The following ACSS2 variants were observed in gnomAD, a reference collection of about 807,000 sequenced individuals.
ACSS2 encodes acyl-CoA synthetase short chain family member 2, also known as acetyl-coenzyme A synthetase, cytoplasmic.
A neutral mutation model predicts 90.6 loss-of-function variants in ACSS2; 58 were observed. That is an observed-to-expected ratio of 0.64 (90% CI 0.52 to 0.80). ACSS2 has a LOEUF of 0.80. ACSS2 is among the 30% of genes least tolerant of loss of function. The probability of loss-of-function intolerance (pLI) is 0.00; values close to 1 mark genes in which losing one functional copy is unlikely to be tolerated. For missense variants in ACSS2, 759 were observed against 912.0 expected (o/e 0.83, Z 2.16); for synonymous variants, 300 against 330.9 (o/e 0.91, Z 1.01).
chr20:34,921,381 C>A lies in ACSS2; in HGVS notation c.1329C>A (p.Asn443Lys), dbSNP rs577466825. The A allele has an allele frequency of 2.5e-6, 4 of 1,614,094 alleles. No individual in the cohort carries two copies. The highest frequency in any genetic ancestry group is 1.7e-5 in the Admixed American group (1 of 60,004). ...TAGGCACAGTGGGTGAACCCATCAACCCTGAGGCCTGGCTATGGTACCACC... is the reference window on the plus strand; with the variant it reads ...TAGGCACAGTGGGTGAACCCATCAAACCTGAGGCCTGGCTATGGTACCACC... ...QVLGTVGEPI[N>K]PEAWLWYHRV... The change falls in exon 11 of 18, where the codon AAC becomes AAA. Residue 443 changes from asparagine (N) to lysine (K), a missense_variant. Physicochemically the swap from Asn to Lys is moderately conservative, Grantham distance 94. Coordinates refer to ENST00000360596, the MANE Select transcript of ACSS2 (RefSeq NM_018677.4).
chr20:34,877,612 G>A (rs572821062), intron 1 of ACSS2, among the ~76,000 whole-genome samples: 2 of 152,088 alleles, frequency 1.3e-5, no homozygotes, highest in African/African-American at 4.8e-5. Flanking sequence ...GAGGTCAGGA[G>A]TTCGAGACCA....
At chr20:34,875,189 A>G (rs1168783874), upstream of ACSS2, 2 of 534,264 alleles carry the variant, frequency 3.7e-6, no homozygotes, top group Non-Finnish European at 3.8e-6. Context: ...TGGAGGGGCT[A>G]GAGAGAAGCT....
At chr20:34,920,286 G>A in intron 8 of ACSS2, among the ~76,000 whole-genome samples, 1 of 152,202 alleles carries the variant, frequency 6.6e-6, no homozygotes. Flanking sequence ...TGATGTGGGT[G>A]GCTCTGAAAT....
intron 2 of ACSS2, among the ~76,000 whole-genome samples, chr20:34,904,212 G>A (rs1173352954): frequency 6.6e-6 from 1 of 151,784 alleles, no homozygotes; most frequent in African/African-American, 2.4e-5. Flanking sequence ...GAGAACCTGG[G>A]GCTGGAGAGG....
At chr20:34,894,050 A>G (rs1405752928) in intron 2 of ACSS2, among the ~76,000 whole-genome samples, 1 of 152,180 alleles carries the variant, frequency 6.6e-6, no homozygotes, top group East Asian at 1.9e-4. Context: ...TTTGAAACCA[A>G]CGTTTGCTTC....
chr20:34,902,324 C>G (rs1405986287), intron 2 of ACSS2, among the ~76,000 whole-genome samples: 1 of 151,836 alleles, frequency 6.6e-6, no homozygotes, highest in East Asian at 1.9e-4. Flanking sequence ...ATAATATTAA[C>G]AATAACAATA....
At chr20:34,923,825 C>G (rs557513572) in intron 14 of ACSS2, among the ~76,000 whole-genome samples, 1 of 147,872 alleles carries the variant, frequency 6.8e-6, no homozygotes, top group Non-Finnish European at 1.5e-5. Flanking sequence ...CCCACCTCCC[C>G]GGCCTTGACC....
chr20:34,907,244 A>G (rs1293267807), intron 2 of ACSS2, among the ~76,000 whole-genome samples: 1 of 151,642 alleles, frequency 6.6e-6, no homozygotes, highest in African/African-American at 2.4e-5. Context: ...CAGCCTCCTG[A>G]GTAGCTGGGT....
At chr20:34,890,653 G>A (rs1046922546) in intron 2 of ACSS2, among the ~76,000 whole-genome samples, 5 of 152,112 alleles carry the variant, frequency 3.3e-5, no homozygotes, top group South Asian at 2.1e-4. Context: ...ATTTGGTATC[G>A]TTGATTCCTT....
chr20:34,918,320 G>A (rs528899526), intron 7 of ACSS2, among the ~76,000 whole-genome samples: 1 of 152,322 alleles, frequency 6.6e-6, no homozygotes, highest in South Asian at 2.1e-4. Context: ...GGCAGAACTG[G>A]TATTGAAGTA....
upstream of ACSS2, chr20:34,876,511 C>A: frequency 1.8e-6 from 2 of 1,103,118 alleles, no homozygotes; most frequent in Non-Finnish European, 2.3e-6. Flanking sequence ...ACCGCCCACC[C>A]GCCAGACTAA....
Position 34,914,100 on chromosome 20 carries a change from C to A in ACSS2, c.648C>A (p.Ala216=). ...SSCSLLITTD[A]FYRGEKLVNL... ...AATGTCTGTTGCTCCCCAAAGATGC[C>A]TTCTACAGGGGGGAAAAGCTTGTGA... The change falls in exon 6 of 18, where the codon GCC becomes GCA. Residue 216 remains alanine, a synonymous_variant. Coordinates refer to ENST00000360596, the MANE Select transcript of ACSS2 (RefSeq NM_018677.4). 6.2e-7 allele frequency: 1 copy of A among 1,614,140 alleles called. No homozygotes were observed. The highest frequency in any genetic ancestry group is 8.5e-7 in the Non-Finnish European group (1 of 1,180,006).
chr20:34,905,423 C>T (rs571895949), intron 2 of ACSS2, among the ~76,000 whole-genome samples: 5 of 152,242 alleles, frequency 3.3e-5, no homozygotes, highest in Middle Eastern at 6.8e-3. Flanking sequence ...CAGGCGCCCG[C>T]CACCACCCCC....
chr20:34,899,819 G>A (rs1398769628), intron 2 of ACSS2, among the ~76,000 whole-genome samples: 1 of 152,012 alleles, frequency 6.6e-6, no homozygotes, highest in Non-Finnish European at 1.5e-5. Context: ...CTCAATTGGT[G>A]GACATTTGGG....
Position 34,927,222 on chromosome 20 carries a change from C to G in ACSS2, c.*8C>G. ...TGCCTGACCATCCAGTGAACATGATCCTGACCTTTACCTAGGATTCCTCCT... is the reference window on the plus strand; with the variant it reads ...TGCCTGACCATCCAGTGAACATGATGCTGACCTTTACCTAGGATTCCTCCT... On this transcript the variant is annotated 3_prime_UTR_variant, in exon 18 of 18. Coordinates refer to ENST00000360596, the MANE Select transcript of ACSS2 (RefSeq NM_018677.4). The surrounding 1 kb of genome is among the most constrained non-coding windows in gnomAD (Gnocchi z 4.2). The G allele has an allele frequency of 6.2e-7, 1 of 1,613,078 alleles. No homozygotes were observed. The highest frequency in any genetic ancestry group is 8.5e-7 in the Non-Finnish European group (1 of 1,180,014).
chr20:34,911,645 A>C (rs1465799896), intron 2 of ACSS2, among the ~76,000 whole-genome samples: 1 of 152,134 alleles, frequency 6.6e-6, no homozygotes, highest in East Asian at 1.9e-4. Flanking sequence ...ATTTTTTAAA[A>C]GTATTTCTCC....
At chr20:34,899,273 G>T (rs946338357) in intron 2 of ACSS2, among the ~76,000 whole-genome samples, 1 of 152,204 alleles carries the variant, frequency 6.6e-6, no homozygotes, top group Non-Finnish European at 1.5e-5. Flanking sequence ...TGGGCTGAAG[G>T]GCTCCTCAAG....
chr20:34,882,863 A>G lies in ACSS2; in HGVS notation c.248A>G (p.Asn83Ser). Residue 83 changes from asparagine to serine, a missense_variant, in exon 2 of 18, where the codon AAC (asparagine) becomes AGC (serine). Coordinates refer to ENST00000360596, the MANE Select transcript of ACSS2 (RefSeq NM_018677.4). ...TPCPGPFLRY[N>S]FDVTKGKIFI... ...TGCCCTGGCCCATTCCTTCGGTACA[A>G]CTTTGATGTGACTAAAGGGAAAATC... is the stretch of plus-strand genomic sequence containing the variant. 1 of 1,614,036 alleles carries G rather than the reference A, an allele frequency of 6.2e-7. No individual in the cohort carries two copies. The highest frequency in any genetic ancestry group is 8.5e-7 in the Non-Finnish European group (1 of 1,179,980).
At position 34,907,342 on chromosome 20, in the gene ACSS2, T is replaced by G. The variant is rs192461569; in HGVS notation, c.375-5754T>G. 8.3e-3 allele frequency among the ~76,000 whole-genome samples: 1,266 copies of G among 152,294 alleles called. 6 individuals are homozygous for G. Among genetic ancestry groups the G allele is most frequent in the Middle Eastern group, 0.037 (11 of 294 alleles). On this transcript the variant is annotated intron_variant, in intron 2 of 17. Transcript: ENST00000360596. ...CATGTTGGCCAGGCCGGTCTCAAACTCCTGGCCTCAAGTGATCTACCCACC... is the reference window on the plus strand; with the variant it reads ...CATGTTGGCCAGGCCGGTCTCAAACGCCTGGCCTCAAGTGATCTACCCACC...
Sources: allele counts gnomAD v4.1 joint callset (sites outside exome capture counted in the v4.1 genomes callset), GRCh38; gene constraint gnomAD v4.1.1; non-coding constraint Gnocchi (gnomAD v3.1); transcripts MANE v1.5; gene names NCBI Gene and HGNC (gene_info 2026-07-23, HGNC 2026-07-21).